MRPL15: variants seen among roughly 807,000 people sequenced by gnomAD.
The protein encoded by MRPL15 is large ribosomal subunit protein uL15m.
Under a neutral mutation model 28.0 loss-of-function variants are expected in MRPL15, and 24 were observed. That is an observed-to-expected ratio of 0.86 (90% CI 0.62 to 1.21). The LOEUF (loss-of-function observed/expected upper bound fraction) is 1.21. MRPL15 is among the 50% of genes most tolerant of loss of function. The pLI, the probability that MRPL15 is intolerant of heterozygous loss-of-function variation, is 0.00. For synonymous variants in MRPL15, 124 were observed against 137.0 expected, an observed-to-expected ratio of 0.90 and a Z score of 0.66; for missense variants, 343 against 372.4, an observed-to-expected ratio of 0.92 and a Z score of 0.65.
intron 4 of MRPL15, among the ~76,000 whole-genome samples, chr8:54,147,070 T>G (rs1811056684): frequency 6.6e-6 from 1 of 152,106 alleles, no homozygotes; most frequent in Non-Finnish European, 1.5e-5. Flanking sequence ...CCGTCTCTAC[T>G]AAAAATACAA....
chr8:54,143,515 C>T (rs1358934917), intron 4 of MRPL15, among the ~76,000 whole-genome samples: 2 of 152,196 alleles, frequency 1.3e-5, no homozygotes, highest in African/African-American at 4.8e-5. Flanking sequence ...TTTCTTCAAA[C>T]TGTGTCCACA....
rs1810952216 is a variant in MRPL15, at chr8:54,142,752, T to G, written c.519T>G (p.Val173=). The change falls in exon 4 of 5, where the codon GTT becomes GTG. Residue 173 remains valine, a synonymous_variant. Coordinates refer to ENST00000260102, the MANE Select transcript of MRPL15 (RefSeq NM_014175.4). ...CTGCCATTGAAAAAAATGGTGGTGT[T>G]GTTACTACAGCCTTCTATGATCCAA... ...AIAAIEKNGG[V]VTTAFYDPRS... is the part of the protein sequence containing the mutation. The G allele has an allele frequency of 6.2e-7, 1 of 1,614,092 alleles. No individual in the cohort carries two copies. The highest frequency in any genetic ancestry group is 1.1e-5 in the South Asian group (1 of 91,090).
At chr8:54,136,808 G>T (rs868018316) in intron 2 of MRPL15, 143 bp downstream of exon 2, 1 of 1,054,958 alleles carries the variant, frequency 9.5e-7, no homozygotes, top group Non-Finnish European at 1.3e-6. Context: ...CCATTTTTTG[G>T]TAATGAAATC....
intron 4 of MRPL15, among the ~76,000 whole-genome samples, chr8:54,144,496 C>T (rs111820002): frequency 0.015 from 2,302 of 152,266 alleles, 35 homozygotes; most frequent in Non-Finnish European, 0.02. Context: ...AAAGGCCGGG[C>T]GCAGTGGCTC....
chr8:54,141,292 C>CGGTATTTCCGATCTATGAAAGTT (rs1224492392), intron 3 of MRPL15, among the ~76,000 whole-genome samples: 2 of 152,088 alleles, frequency 1.3e-5, no homozygotes, highest in East Asian at 3.9e-4. Context: ...CTATGAAAGT[C>CGGTATTTCCGATCTATGAAAGTT]GGTATTTCCG....
chr8:54,145,586 A>T (rs1317133428), intron 4 of MRPL15, among the ~76,000 whole-genome samples: 4 of 151,826 alleles, frequency 2.6e-5, no homozygotes, highest in African/African-American at 9.7e-5. Context: ...AAATCCTGCC[A>T]CCTAGGCCCC....
chr8:54,140,775 G>A (rs550236080), intron 3 of MRPL15, among the ~76,000 whole-genome samples: 1 of 151,538 alleles, frequency 6.6e-6, no homozygotes, highest in African/African-American at 2.4e-5. Context: ...GTAGAGACAG[G>A]GTTTCACCGT....
intron 3 of MRPL15, among the ~76,000 whole-genome samples, 199 bp from the exon 4 acceptor site, chr8:54,142,464 T>C (rs149365515): frequency 0.015 from 2,306 of 152,306 alleles, 35 homozygotes; most frequent in Non-Finnish European, 0.02. Flanking sequence ...CCTTATTTTT[T>C]ATTATTACTT....
Position 54,137,270 on chromosome 8 carries a change from T to C in MRPL15, c.266T>C (p.Phe89Ser). Reference protein sequence around the residue: ...PKYGFNEGHSFRRQYKPLSLN... With the variant: ...PKYGFNEGHSSRRQYKPLSLN... ...ACTCTTACATTCTTGTTTTACAGTT[T>C]CAGACGCCAGTATAAGCCTTTGAGT... The change falls in exon 3 of 5, where the codon TTC (phenylalanine) becomes TCC (serine). Residue 89 changes from phenylalanine to serine, a missense_variant and splice_region_variant. By Grantham distance (155) the Phe-to-Ser change is radical. Coordinates refer to ENST00000260102, the MANE Select transcript of MRPL15 (RefSeq NM_014175.4). The C allele has an allele frequency of 6.2e-7, 1 of 1,611,256 alleles. No homozygotes were observed. Among genetic ancestry groups the C allele is most frequent in the Non-Finnish European group, 8.5e-7 (1 of 1,179,266 alleles).
intron 1 of MRPL15, 101 bp downstream of exon 1, chr8:54,135,492 G>T: frequency 1.0e-6 from 1 of 965,438 alleles, no homozygotes; most frequent in Non-Finnish European, 1.5e-6. Flanking sequence ...CTAGGAGAGT[G>T]TTGGGATGAA....
At chr8:54,143,805 C>A (rs933501776) in intron 4 of MRPL15, among the ~76,000 whole-genome samples, 1 of 152,210 alleles carries the variant, frequency 6.6e-6, no homozygotes, top group South Asian at 2.1e-4. Flanking sequence ...GTTTGGCCTT[C>A]CTCCATACAC....
At chr8:54,137,238 T>A (rs371220336) in intron 2 of MRPL15, 30 bp from the exon 3 acceptor site, 9 of 1,590,582 alleles carry the variant, frequency 5.7e-6, no homozygotes, top group Non-Finnish European at 7.7e-6. Context: ...AAGATGAGAG[T>A]TTTCCAACTC....
chr8:54,139,044 G>T (rs1456775011), intron 3 of MRPL15, among the ~76,000 whole-genome samples: 1 of 151,988 alleles, frequency 6.6e-6, no homozygotes, highest in Non-Finnish European at 1.5e-5. Context: ...CTGTCACCCA[G>T]GCTGGAGTGC....
At position 54,135,274 on chromosome 8, in the gene MRPL15, T is replaced by C. The variant is rs375824584; in HGVS notation, c.-10T>C. ...CAGGGCGCCCTTGAAAGTTCTTGGA[T>C]CTGCGGGTTATGGCCGGTCCCTTGC... On this transcript the variant is annotated 5_prime_UTR_variant, in exon 1 of 5. Coordinates refer to ENST00000260102, the MANE Select transcript of MRPL15 (RefSeq NM_014175.4). 9.8e-6 allele frequency: 13 copies of C among 1,329,182 alleles called. No individual in the cohort carries two copies. The highest frequency in any genetic ancestry group is 1.2e-5 in the Non-Finnish European group (12 of 1,029,960). 82.3% of individuals were successfully genotyped at this position (1,329,182 alleles called of 1,614,324 possible).
At chr8:54,146,090 C>T (rs561949713) in intron 4 of MRPL15, among the ~76,000 whole-genome samples, 2 of 151,800 alleles carry the variant, frequency 1.3e-5, no homozygotes, top group African/African-American at 4.9e-5. Context: ...AGCAAACAGC[C>T]AGAGGCTAGT....
At chr8:54,146,861 T>G (rs1349576657) in intron 4 of MRPL15, among the ~76,000 whole-genome samples, 1 of 152,198 alleles carries the variant, frequency 6.6e-6, no homozygotes, top group African/African-American at 2.4e-5. Context: ...AGAACTGGGG[T>G]TATGCAGCAT....
At chr8:54,136,404 A>G in intron 1 of MRPL15, 107 bp from the exon 2 acceptor site, 3 of 1,207,048 alleles carry the variant, frequency 2.5e-6, no homozygotes, top group Non-Finnish European at 3.5e-6. Flanking sequence ...AGTGTTAGCT[A>G]GCACTGGTGG....
At chr8:54,136,470 A>T (rs200246291) in intron 1 of MRPL15, 41 bp from the exon 2 acceptor site, 60 of 1,582,774 alleles carry the variant, frequency 3.8e-5, no homozygotes, top group Non-Finnish European at 3.7e-5. Context: ...AGTTTTTAGA[A>T]ATGCATCTGA....
At chr8:54,138,544 C>T (rs1810868416) in intron 3 of MRPL15, among the ~76,000 whole-genome samples, 1 of 151,432 alleles carries the variant, frequency 6.6e-6, no homozygotes, top group Non-Finnish European at 1.5e-5. Context: ...TTCTCGAACT[C>T]CTGACCTCAG....
Sources: gnomAD v4.1 joint callset for allele counts (sites outside exome capture counted in the v4.1 genomes callset) on GRCh38, gnomAD v4.1.1 for gene constraint, MANE v1.5 for transcripts, NCBI Gene and HGNC (gene_info 2026-07-23, HGNC 2026-07-21) for gene names.